The following HHIP variants were observed in gnomAD, a reference collection of about 807,000 sequenced individuals.
HHIP encodes hedgehog interacting protein, also known as hedgehog-interacting protein.
A neutral mutation model predicts 74.0 loss-of-function variants in HHIP; 12 were observed. The observed-to-expected ratio is 0.16, with a 90% CI of 0.10 to 0.26. The LOEUF (loss-of-function observed/expected upper bound fraction) is 0.26. HHIP is among the 10% of genes least tolerant of loss of function. The pLI is 1.00. For missense variants in HHIP, 788 were observed against 845.0 expected, an observed-to-expected ratio of 0.93 and a Z score of 0.84; for synonymous variants, 309 against 311.6, an observed-to-expected ratio of 0.99 and a Z score of 0.09.
intron 11 of HHIP, among the ~76,000 whole-genome samples, chr4:144,733,605 A>G (rs576825419): frequency 3.3e-5 from 5 of 152,240 alleles, no homozygotes; most frequent in Non-Finnish European, 7.4e-5. Flanking sequence ...TGAGGTTTTG[A>G]CCTGTAATGA....
At chr4:144,671,591 A>G (rs1560700233) in intron 4 of HHIP, among the ~76,000 whole-genome samples, 1 of 152,246 alleles carries the variant, frequency 6.6e-6, no homozygotes, top group Non-Finnish European at 1.5e-5. Flanking sequence ...TGGCATAGCC[A>G]TATCACTCAC....
intron 1 of HHIP, chr4:144,650,956 G>A (rs542233589): frequency 6.6e-6 from 1 of 152,146 alleles, no homozygotes; most frequent in East Asian, 1.9e-4. Context: ...TAAAACCAAA[G>A]GTAATTACAT....
intron 11 of HHIP, among the ~76,000 whole-genome samples, chr4:144,722,486 T>C (rs1394415997): frequency 2.0e-5 from 3 of 152,208 alleles, no homozygotes; most frequent in Non-Finnish European, 4.4e-5. Context: ...AGGATTATTT[T>C]CAGGTGATCT....
At chr4:144,676,627 C>T (rs1361705625) in intron 4 of HHIP, among the ~76,000 whole-genome samples, 1 of 152,152 alleles carries the variant, frequency 6.6e-6, no homozygotes, top group East Asian at 1.9e-4. Context: ...CTGGAGCCAT[C>T]TCTGGGGCCC....
At chr4:144,731,393 C>T (rs1730950267) in intron 11 of HHIP, among the ~76,000 whole-genome samples, 1 of 152,056 alleles carries the variant, frequency 6.6e-6, no homozygotes, top group Non-Finnish European at 1.5e-5. Context: ...AAAGTTACTA[C>T]TATATAAATT....
Position 144,659,764 on chromosome 4 carries a change from ATACT to A in HHIP, c.761_764del (p.Leu254ProfsTer22). 1 of 1,613,056 alleles carries A rather than the reference ATACT, an allele frequency of 6.2e-7. No individual in the cohort carries two copies. The highest frequency in any genetic ancestry group is 8.5e-7 in the Non-Finnish European group (1 of 1,179,634). ...TCTGGAAAAAGAAGGTTATGTGAAG[ATACT>A]TACCCCTGAAGGAGAAATTTTCAAG... On this transcript the variant is annotated frameshift_variant, in exon 4 of 13. Transcript: ENST00000296575. LOFTEE classifies it high-confidence loss of function.
At position 144,742,707 on chromosome 4, in the gene HHIP, T is replaced by A. The variant is rs1202484471; in HGVS notation, c.*4750T>A. ...AAACTAGTACTGTGAATGCTGGCAA[T>A]ACCATCAGAAAGTTTATCTTTAAAA... On this transcript the variant is annotated 3_prime_UTR_variant, in exon 13 of 13. Transcript: ENST00000296575. The A allele has an allele frequency of 6.6e-6, 1 of 151,090 alleles. No individual in the cohort carries two copies. Among genetic ancestry groups the A allele is most frequent in the Non-Finnish European group, 1.5e-5 (1 of 67,806 alleles). The allele number at this position is 151,090 out of a possible 1,614,324, so 9.4% of individuals were successfully genotyped here.
At chr4:144,649,712 A>G (rs139347590) in intron 1 of HHIP, among the ~76,000 whole-genome samples, 7 of 152,334 alleles carry the variant, frequency 4.6e-5, no homozygotes, top group Non-Finnish European at 8.8e-5. Flanking sequence ...GTGGTTTCAC[A>G]GCCAAAGCTG....
At chr4:144,731,838 T>A (rs1730966201) in intron 11 of HHIP, among the ~76,000 whole-genome samples, 1 of 152,194 alleles carries the variant, frequency 6.6e-6, no homozygotes, top group African/African-American at 2.4e-5. Context: ...CTCTATAACA[T>A]CCCTTAAAGT....
chr4:144,691,706 A>G (rs1055643558), intron 4 of HHIP, among the ~76,000 whole-genome samples: 1 of 152,136 alleles, frequency 6.6e-6, no homozygotes, highest in South Asian at 2.1e-4. Flanking sequence ...TTTGATTTCA[A>G]TAACTCCAGC....
At chr4:144,680,359 A>C (rs1413528620) in intron 4 of HHIP, among the ~76,000 whole-genome samples, 1 of 152,218 alleles carries the variant, frequency 6.6e-6, no homozygotes. Flanking sequence ...ACCCCTTGTC[A>C]TGCTGTTCAT....
At chr4:144,653,392 A>G (rs1378375432) in intron 2 of HHIP, among the ~76,000 whole-genome samples, 3 of 152,134 alleles carry the variant, frequency 2.0e-5, no homozygotes, top group Non-Finnish European at 4.4e-5. Context: ...ACCTTAATCA[A>G]AGTTATACAA....
intron 4 of HHIP, 55 bp from the exon 5 acceptor site, chr4:144,706,476 A>T: frequency 7.1e-7 from 1 of 1,398,646 alleles, no homozygotes; most frequent in Non-Finnish European, 9.6e-7. Context: ...CAGTTGAAAC[A>T]CAATAAAGAA....
rs1013497669 is a variant in HHIP at position 144,703,037 on chromosome 4, T to C, written c.832-3494T>C. Among the ~76,000 whole-genome samples, 23 of 152,142 alleles carry C rather than the reference T, an allele frequency of 1.5e-4. 1 individual carries two copies. Among genetic ancestry groups the C allele is most frequent in the Non-Finnish European group, 1.5e-5 (1 of 67,984 alleles). On this transcript the variant is annotated intron_variant, in intron 4 of 12. Transcript: ENST00000296575. ...TTCAAGACCAGCCTGGCCAACATGG[T>C]GAAACCCTGTCTCTGCTAAAATTCA...
At chr4:144,720,373 G>T (rs572899093) in intron 11 of HHIP, among the ~76,000 whole-genome samples, 1 of 152,096 alleles carries the variant, frequency 6.6e-6, no homozygotes, top group South Asian at 2.1e-4. Context: ...AACAGACATT[G>T]TTATTCTGTT....
intron 2 of HHIP, among the ~76,000 whole-genome samples, chr4:144,653,945 C>G (rs1352583573): frequency 6.6e-6 from 1 of 152,048 alleles, no homozygotes; most frequent in Non-Finnish European, 1.5e-5. Context: ...TTATCACATT[C>G]CCCAAAGCAA....
chr4:144,656,557 T>A (rs1306180551), intron 2 of HHIP, among the ~76,000 whole-genome samples: 1 of 151,938 alleles, frequency 6.6e-6, no homozygotes, highest in Non-Finnish European at 1.5e-5. Context: ...GAAACACACA[T>A]TTTTTTTAAG....
chr4:144,672,121 G>A (rs1305533395), intron 4 of HHIP, among the ~76,000 whole-genome samples: 1 of 152,202 alleles, frequency 6.6e-6, no homozygotes, highest in Admixed American at 6.5e-5. Flanking sequence ...TCAGGCACTG[G>A]ATGACTCCAT....
At chr4:144,736,764 A>C (rs907058141) in intron 12 of HHIP, among the ~76,000 whole-genome samples, 1 of 152,242 alleles carries the variant, frequency 6.6e-6, no homozygotes, top group Admixed American at 6.5e-5. Flanking sequence ...TAATCTGTTT[A>C]TGTGGGATGT....
Sources: gnomAD v4.1 joint callset for allele counts (sites outside exome capture counted in the v4.1 genomes callset) on GRCh38, gnomAD v4.1.1 for gene constraint, MANE v1.5 for transcripts, NCBI Gene and HGNC (gene_info 2026-07-23, HGNC 2026-07-21) for gene names.